CPEB3: variants seen among roughly 807,000 people sequenced by gnomAD.
CPEB3 encodes the protein cytoplasmic polyadenylation element binding protein 3.
In CPEB3, 20 loss-of-function variants were observed where a neutral mutation model predicts 67.2. The ratio of observed to expected loss-of-function variants is 0.30; its 90% CI spans 0.21 to 0.43. The LOEUF is 0.43. CPEB3 is among the 20% of genes least tolerant of loss of function. CPEB3 has a pLI of 1.00. For synonymous variants in CPEB3, 376 were observed against 393.1 expected, an observed-to-expected ratio of 0.96 and a Z score of 0.51; for missense variants, 746 against 968.6, an observed-to-expected ratio of 0.77 and a Z score of 3.05.
At chr10:92,279,564 T>C (rs576725972) in intron 1 of CPEB3, among the ~76,000 whole-genome samples, 16 of 152,192 alleles carry the variant, frequency 1.1e-4, no homozygotes, top group Non-Finnish European at 2.1e-4. Flanking sequence ...ACAGAAGATC[T>C]GCTATTGTGA....
At position 92,047,177 on chromosome 10, in the gene CPEB3, T is replaced by C. The variant is rs1366891068; in HGVS notation, c.*5035A>G. 6.6e-6 allele frequency: 1 copy of C among 151,936 alleles called. No individual in the cohort carries two copies. Among genetic ancestry groups the C allele is most frequent in the Non-Finnish European group, 1.5e-5 (1 of 68,002 alleles). The allele number at this position is 151,936 out of a possible 1,614,324, so 9.4% of individuals were successfully genotyped here. ...CCACTTCTTGACCCATTTTGGGGTA[T>C]AAAGTCAACAGCATTAATTATAAAA... On this transcript the variant is annotated 3_prime_UTR_variant, in exon 10 of 10. Transcript: ENST00000265997.
intron 9 of CPEB3, among the ~76,000 whole-genome samples, chr10:92,065,820 G>A (rs2134349888): frequency 6.6e-6 from 1 of 152,048 alleles, no homozygotes; most frequent in East Asian, 1.9e-4. Context: ...TCGGCCAGGT[G>A]CAGTGGCTCA....
intron 9 of CPEB3, among the ~76,000 whole-genome samples, chr10:92,053,603 A>G (rs1460995046): frequency 1.7e-4 from 23 of 138,866 alleles, no homozygotes; most frequent in African/African-American, 3.5e-4. Context: ...GTGCAGTGGC[A>G]CGATCTCGGC....
At chr10:92,090,833 G>A (rs1843585941) in intron 8 of CPEB3, among the ~76,000 whole-genome samples, 1 of 152,184 alleles carries the variant, frequency 6.6e-6, no homozygotes, top group Non-Finnish European at 1.5e-5. Flanking sequence ...TAAAAGGGGA[G>A]CATCTCTGCT....
chr10:92,256,607 G>C (rs970690324), intron 1 of CPEB3, among the ~76,000 whole-genome samples: 1 of 151,916 alleles, frequency 6.6e-6, no homozygotes, highest in South Asian at 2.1e-4. Flanking sequence ...GGATGGTCTC[G>C]ATCTCTTGAC....
At chr10:92,247,483 TG>T (rs1487035552) in intron 1 of CPEB3, among the ~76,000 whole-genome samples, 1 of 152,062 alleles carries the variant, frequency 6.6e-6, no homozygotes, top group Non-Finnish European at 1.5e-5. Context: ...CCATGACCTT[TG>T]CCTCCCCAGG....
At chr10:92,082,247 A>C (rs990684707) in intron 8 of CPEB3, among the ~76,000 whole-genome samples, 1 of 151,220 alleles carries the variant, frequency 6.6e-6, no homozygotes, top group Non-Finnish European at 1.5e-5. Flanking sequence ...TCCTTGTCAC[A>C]TTTCTTCTAA....
At chr10:92,071,396 G>T (rs1842747622) in intron 9 of CPEB3, among the ~76,000 whole-genome samples, 1 of 152,032 alleles carries the variant, frequency 6.6e-6, no homozygotes, top group South Asian at 2.1e-4. Flanking sequence ...ATATGTTTTT[G>T]CTAGGCTAAG....
At chr10:92,154,594 A>C (rs1215350347) in intron 4 of CPEB3, among the ~76,000 whole-genome samples, 1 of 152,194 alleles carries the variant, frequency 6.6e-6, no homozygotes, top group Non-Finnish European at 1.5e-5. Context: ...CGCCTGTTTC[A>C]AAAACATTCA....
At chr10:92,066,384 AAAAT>A (rs941199907) in intron 9 of CPEB3, among the ~76,000 whole-genome samples, 3 of 151,924 alleles carry the variant, frequency 2.0e-5, no homozygotes, top group Admixed American at 6.6e-5. Context: ...AGCATCTCCA[AAAAT>A]AAATAGATAG....
intron 7 of CPEB3, 111 bp from the exon 8 acceptor site, chr10:92,092,055 C>G: frequency 1.4e-6 from 1 of 713,830 alleles, no homozygotes; most frequent in Non-Finnish European, 2.5e-6. Context: ...TGAACATGAC[C>G]CAAACAAAAT....
At chr10:92,205,743 T>C (rs569236020) in intron 2 of CPEB3, among the ~76,000 whole-genome samples, 19 of 152,210 alleles carry the variant, frequency 1.2e-4, no homozygotes, top group African/African-American at 3.9e-4. Flanking sequence ...CCCAAAGTGC[T>C]AGGATTACAG....
intron 9 of CPEB3, among the ~76,000 whole-genome samples, chr10:92,058,471 C>T: frequency 6.6e-6 from 1 of 151,972 alleles, no homozygotes; most frequent in Non-Finnish European, 1.5e-5. Context: ...ATCACTTAAA[C>T]CCCAGAGGTG....
At chr10:92,137,374 T>G (rs910437510) in intron 6 of CPEB3, 2 of 1,098,832 alleles carry the variant, frequency 1.8e-6, no homozygotes, top group Admixed American at 4.9e-5. Flanking sequence ...GTCTCCCAAA[T>G]ACATCAAGAT....
intron 8 of CPEB3, 73 bp from the exon 9 acceptor site, chr10:92,081,574 TA>T: frequency 7.7e-7 from 1 of 1,292,146 alleles, no homozygotes; most frequent in Non-Finnish European, 1.1e-6. Flanking sequence ...AAGGAAGAAT[TA>T]TTTAGAGATC....
chr10:92,054,429 CTTTT>C, intron 9 of CPEB3, among the ~76,000 whole-genome samples: 1 of 147,684 alleles, frequency 6.8e-6, no homozygotes, highest in African/African-American at 2.5e-5. Context: ...ATTGCTACAT[CTTTT>C]TTTTTTTGAG....
chr10:92,220,145 C>T (rs1850622142), intron 2 of CPEB3, among the ~76,000 whole-genome samples: 2 of 151,296 alleles, frequency 1.3e-5, no homozygotes, highest in African/African-American at 2.4e-5. Context: ...ATAAAGATTC[C>T]GTCTCAAAAA....
chr10:92,081,453 G>A lies in CPEB3; in HGVS notation c.1736C>T (p.Ala579Val), dbSNP rs1843148520. Reference protein sequence around the residue: ...MDRLYGGVCYAGIDTDPELKY... With the variant: ...MDRLYGGVCYVGIDTDPELKY... The stretch of plus-strand genomic sequence containing the variant: ...CAGCTCTGGGTCCGTATCAATGCCA[G>A]CATAGCAGACACCACCGTACAAACG... The change falls in exon 9 of 10, where the codon GCT (alanine) becomes GTT (valine). Residue 579 changes from alanine to valine, a missense_variant. Coordinates refer to ENST00000265997, the MANE Select transcript of CPEB3 (RefSeq NM_014912.5). 1.2e-6 allele frequency: 2 copies of A among 1,613,936 alleles called. No homozygotes were observed. Among genetic ancestry groups the A allele is most frequent in the Non-Finnish European group, 1.7e-6 (2 of 1,180,002 alleles).
intron 6 of CPEB3, among the ~76,000 whole-genome samples, chr10:92,131,453 A>G (rs372993021): frequency 3.9e-5 from 6 of 152,252 alleles, no homozygotes; most frequent in African/African-American, 1.2e-4. Flanking sequence ...AGAAGGCAGA[A>G]AAGAAGAATG....
Sources: allele counts gnomAD v4.1 joint callset (sites outside exome capture counted in the v4.1 genomes callset), GRCh38; gene constraint gnomAD v4.1.1; transcripts MANE v1.5; gene names NCBI Gene and HGNC (gene_info 2026-07-23, HGNC 2026-07-21).